Variants in SYNDIG1L observed in about 807,000 individuals in gnomAD.
The protein encoded by SYNDIG1L is synapse differentiation-inducing gene protein 1-like.
SYNDIG1L carries 13 observed loss-of-function variants against 20.1 expected under a neutral mutation model. That is an observed-to-expected ratio of 0.65 (90% CI 0.42 to 1.03). The LOEUF is 1.03. SYNDIG1L is among the 50% of genes least tolerant of loss of function. The pLI is 0.00. For synonymous variants in SYNDIG1L, 128 were observed against 129.3 expected (o/e 0.99, Z 0.07); for missense variants, 294 against 305.1 (o/e 0.96, Z 0.27).
chr14:74,410,285 T>C (rs879658258), intron 1 of SYNDIG1L, among the ~76,000 whole-genome samples: 2 of 151,994 alleles, frequency 1.3e-5, no homozygotes, highest in African/African-American at 2.4e-5. Flanking sequence ...AGAGCTGAGA[T>C]CTGAAGGAAG....
chr14:74,444,811 C>T, the SYNDIG1L span, among the ~76,000 whole-genome samples: 1 of 152,040 alleles, frequency 6.6e-6, no homozygotes, highest in African/African-American at 2.4e-5. Flanking sequence ...TTCTATTGAC[C>T]TCAGAAACCA....
the SYNDIG1L span, among the ~76,000 whole-genome samples, chr14:74,443,754 A>G: frequency 6.6e-6 from 1 of 152,200 alleles, no homozygotes; most frequent in Non-Finnish European, 1.5e-5. Flanking sequence ...GGATGGCTGA[A>G]AAGGGAAGAG....
chr14:74,444,545 G>A, the SYNDIG1L span, among the ~76,000 whole-genome samples: 1 of 151,854 alleles, frequency 6.6e-6, no homozygotes, highest in East Asian at 2.0e-4. Flanking sequence ...GAGCCCAGGA[G>A]TTCGAGATAA....
At chr14:74,421,618 A>G (rs1465607088) in intron 1 of SYNDIG1L, among the ~76,000 whole-genome samples, 1 of 152,244 alleles carries the variant, frequency 6.6e-6, no homozygotes, top group Non-Finnish European at 1.5e-5. Flanking sequence ...GGAGAAGTGG[A>G]CGAGTTTTGT....
chr14:74,433,424 C>A, the SYNDIG1L span, among the ~76,000 whole-genome samples: 1 of 151,844 alleles, frequency 6.6e-6, no homozygotes, highest in Non-Finnish European at 1.5e-5. Flanking sequence ...TGCTCTGTCA[C>A]CCAGGCTGGA....
At chr14:74,469,713 T>C in the SYNDIG1L span, among the ~76,000 whole-genome samples, 1 of 152,212 alleles carries the variant, frequency 6.6e-6, no homozygotes, top group East Asian at 1.9e-4. Flanking sequence ...GCTCACAGAC[T>C]GAGCTCAGCA....
chr14:74,459,060 C>G, the SYNDIG1L span, among the ~76,000 whole-genome samples: 2 of 152,112 alleles, frequency 1.3e-5, no homozygotes, highest in Non-Finnish European at 2.9e-5. Context: ...CTAGAGCAGA[C>G]AGCTTGGAGC....
At chr14:74,412,042 C>T (rs78263888) in intron 1 of SYNDIG1L, among the ~76,000 whole-genome samples, 3,310 of 152,308 alleles carry the variant, frequency 0.022, 109 homozygotes, top group African/African-American at 0.074. Context: ...AGAGATAGGG[C>T]GCACAGGCTT....
At chr14:74,479,726 G>T in the SYNDIG1L span, 1 of 165,348 alleles carries the variant, frequency 6.0e-6, no homozygotes, top group Non-Finnish European at 1.3e-5. Context: ...TGCTTCTTTC[G>T]AGCATGCTTG....
chr14:74,407,928 T>C lies in SYNDIG1L; in HGVS notation c.479A>G (p.Asp160Gly). The C allele has an allele frequency of 6.2e-7, 1 of 1,613,558 alleles. No homozygotes were observed. Among genetic ancestry groups the C allele is most frequent in the Non-Finnish European group, 8.5e-7 (1 of 1,179,736 alleles). The change falls in exon 3 of 4, where the codon GAC becomes GGC. Residue 160 changes from aspartate to glycine, a missense_variant. By Grantham distance (94) the Asp-to-Gly change is moderately conservative. Transcript: ENST00000331628. Reference protein sequence around the residue: ...EDNFLTLPPRDHLGLTLFSML... With the variant: ...EDNFLTLPPRGHLGLTLFSML... ...GGAGAAGAGAGTAAGTCCCAGGTGG[T>C]CCCTGGGAGGCAGCGTGAGGAAGTT...
chr14:74,441,699 G>A, the SYNDIG1L span, among the ~76,000 whole-genome samples: 1 of 151,956 alleles, frequency 6.6e-6, no homozygotes, highest in Non-Finnish European at 1.5e-5. Context: ...TTTTTGTAGA[G>A]ATAGGGTCTC....
At chr14:74,430,968 G>GA (rs1566587986), upstream of SYNDIG1L, among the ~76,000 whole-genome samples, 1 of 152,128 alleles carries the variant, frequency 6.6e-6, no homozygotes, top group South Asian at 2.1e-4. Context: ...TTCCAACTTG[G>GA]AAAAAATAGT....
the SYNDIG1L span, among the ~76,000 whole-genome samples, chr14:74,436,318 T>C: frequency 6.6e-6 from 1 of 151,616 alleles, no homozygotes; most frequent in African/African-American, 2.4e-5. Context: ...AGCCTTGACC[T>C]CCTTGGCTCA....
At chr14:74,429,039 T>A (rs573269701), upstream of SYNDIG1L, among the ~76,000 whole-genome samples, 1 of 152,342 alleles carries the variant, frequency 6.6e-6, no homozygotes, top group Admixed American at 6.5e-5. Flanking sequence ...TCTCTTTTTT[T>A]AAAATTTTAT....
At chr14:74,465,330 GA>G in the SYNDIG1L span, among the ~76,000 whole-genome samples, 1 of 152,176 alleles carries the variant, frequency 6.6e-6, no homozygotes, top group Non-Finnish European at 1.5e-5. Flanking sequence ...GACACGAAAG[GA>G]AGCAGCTTTC....
chr14:74,451,397 C>T, the SYNDIG1L span, among the ~76,000 whole-genome samples: 1 of 152,168 alleles, frequency 6.6e-6, no homozygotes, highest in South Asian at 2.1e-4. Context: ...CAATCCATAC[C>T]TTATACTTTA....
the SYNDIG1L span, among the ~76,000 whole-genome samples, chr14:74,435,910 G>C: frequency 6.6e-6 from 1 of 152,198 alleles, no homozygotes; most frequent in East Asian, 1.9e-4. Context: ...CATAGAGTGA[G>C]TGTGTCCAAG....
At chr14:74,452,218 T>G in the SYNDIG1L span, among the ~76,000 whole-genome samples, 1 of 152,152 alleles carries the variant, frequency 6.6e-6, no homozygotes, top group East Asian at 1.9e-4. Flanking sequence ...TTATAAAGAT[T>G]GACCATACCA....
chr14:74,449,666 A>G, the SYNDIG1L span, among the ~76,000 whole-genome samples: 1 of 151,668 alleles, frequency 6.6e-6, no homozygotes, highest in Non-Finnish European at 1.5e-5. Context: ...AAAGAAAGCA[A>G]AGAATAAAAA....
Sources: allele counts gnomAD v4.1 joint callset (sites outside exome capture counted in the v4.1 genomes callset), GRCh38; gene constraint gnomAD v4.1.1; transcripts MANE v1.5; gene names NCBI Gene and HGNC (gene_info 2026-07-23, HGNC 2026-07-21).